KARS1: variants seen among roughly 807,000 people sequenced by gnomAD.
KARS1 encodes the protein lysine--tRNA ligase.
In KARS1, 50 loss-of-function variants were observed where a neutral mutation model predicts 63.9. The ratio of observed to expected loss-of-function variants is 0.78; its 90% CI spans 0.62 to 0.99. The LOEUF (loss-of-function observed/expected upper bound fraction) is 0.99. Ranked by LOEUF, KARS1 falls within the 50% of genes least tolerant of loss-of-function variation. KARS1 has a pLI of 0.00. For missense variants in KARS1, 816 were observed against 754.5 expected, an observed-to-expected ratio of 1.08 and a Z score of -0.95; for synonymous variants, 320 against 264.6, an observed-to-expected ratio of 1.21 and a Z score of -2.03.
chr16:75,640,437 C>CTCTG, intron 2 of KARS1, 88 bp from the exon 3 acceptor site: 1 of 1,180,042 alleles, frequency 8.5e-7, no homozygotes, highest in Non-Finnish European at 1.3e-6. Context: ...GTATTCTGCC[C>CTCTG]CCGAGTGACC....
At chr16:75,630,854 C>T (rs994270187) in intron 10 of KARS1, among the ~76,000 whole-genome samples, 10 of 152,090 alleles carry the variant, frequency 6.6e-5, no homozygotes, top group East Asian at 5.8e-4. Context: ...AGGCTGGTTT[C>T]GAACTCCTGA....
chr16:75,630,464 G>C lies in KARS1; in HGVS notation c.1383C>G (p.Phe461Leu), dbSNP rs963222842. Residue 461 changes from phenylalanine (F) to leucine (L), a missense_variant, in exon 11 of 14, where the codon TTC becomes TTG. Coordinates refer to ENST00000302445, the MANE Select transcript of KARS1 (RefSeq NM_005548.3). ...TCATTATCTGTGGGTGATCACAGAT[G>C]AATGTAGGATTGATGCAAGTCACTT... ...FLEVTCINPT[F>L]ICDHPQIMSP... The C allele has an allele frequency of 3.7e-6, 6 of 1,611,852 alleles. No homozygotes were observed. In the East Asian group the frequency reaches 6.7e-5, roughly 18 times the overall value.
intron 7 of KARS1, 38 bp from the exon 8 acceptor site, chr16:75,631,893 C>CT (rs751368554): frequency 0.048 from 47,691 of 1,000,708 alleles, no homozygotes; most frequent in Non-Finnish European, 0.054. Context: ...GACAGCTAAT[C>CT]TTTTTTTTTT....
chr16:75,630,400 G>A, intron 11 of KARS1, 23 bp downstream of exon 11: 4 of 1,429,260 alleles, frequency 2.8e-6, no homozygotes, highest in African/African-American at 2.8e-5. Flanking sequence ...CTGTTATGCA[G>A]CAATAGGTAA....
At chr16:75,643,355 G>C (rs1270405549) in intron 1 of KARS1, among the ~76,000 whole-genome samples, 1 of 150,844 alleles carries the variant, frequency 6.6e-6, no homozygotes, top group Non-Finnish European at 1.5e-5. Context: ...TTTAAAAAAT[G>C]AATTGAGGTT....
At chr16:75,628,951 A>G (rs1280258870) in intron 12 of KARS1, 1 of 560,432 alleles carries the variant, frequency 1.8e-6, no homozygotes, top group African/African-American at 1.9e-5. Context: ...CTGAAAGAAA[A>G]CCCTTCTGCT....
Position 75,647,575 on chromosome 16 carries a change from C to T in KARS1, c.62+3G>A. 2 of 1,613,218 alleles carry T rather than the reference C, an allele frequency of 1.2e-6. 1 individual carries two copies. Among genetic ancestry groups the T allele is most frequent in the South Asian group, 2.2e-5 (2 of 90,924 alleles). ...GGCTTTAAAGACTCGCAGCGACACTCACTTCTTGCTCAGTTTCGGCTCGCT... is the reference window on the plus strand; with the variant it reads ...GGCTTTAAAGACTCGCAGCGACACTTACTTCTTGCTCAGTTTCGGCTCGCT... On this transcript the variant is annotated splice_donor_region_variant and intron_variant, in intron 1 of 13. Coordinates refer to ENST00000302445, the MANE Select transcript of KARS1 (RefSeq NM_005548.3).
At chr16:75,628,542 T>C in intron 13 of KARS1, 27 bp downstream of exon 13, 12 of 1,611,944 alleles carry the variant, frequency 7.4e-6, no homozygotes, top group Non-Finnish European at 8.5e-6. Context: ...CCTCAGGAAG[T>C]GTGCTCTGTG....
chr16:75,646,065 AAAGTC>A (rs2082279859), intron 1 of KARS1, among the ~76,000 whole-genome samples: 2 of 152,218 alleles, frequency 1.3e-5, no homozygotes, highest in African/African-American at 2.4e-5. Context: ...TTGACTTAAT[AAAGTC>A]AAGTCAATTT....
At chr16:75,638,243 G>C (rs1555513349) in intron 3 of KARS1, among the ~76,000 whole-genome samples, 1 of 149,878 alleles carries the variant, frequency 6.7e-6, no homozygotes, top group Non-Finnish European at 1.5e-5. Flanking sequence ...TTTACTTTAA[G>C]TTCTGGGACA....
chr16:75,647,438 GCCA>G lies in KARS1; in HGVS notation c.62+137_62+139del, dbSNP rs2151815012. 5 of 824,008 alleles carry G rather than the reference GCCA, an allele frequency of 6.1e-6. No homozygotes were observed. The South Asian group carries it at 7.2e-5, about 12-fold the overall frequency. 51.0% of individuals were successfully genotyped at this position (824,008 alleles called of 1,614,324 possible). A position where few individuals can be genotyped will look rare whatever the true frequency, so the allele number is the denominator to read the frequency against. On this transcript the variant is annotated intron_variant, in intron 1 of 13. Coordinates refer to ENST00000302445, the MANE Select transcript of KARS1 (RefSeq NM_005548.3). ...CGGGGTACGTGGTCTGCAGGGCGCA[GCCA>G]CCACGTCTCAGCATGTGCGTACCCA...
At chr16:75,644,787 G>A (rs1253501410) in intron 1 of KARS1, among the ~76,000 whole-genome samples, 1 of 152,208 alleles carries the variant, frequency 6.6e-6, no homozygotes, top group African/African-American at 2.4e-5. Context: ...AAGCCCTGAA[G>A]TGTGGTTTCT....
At chr16:75,635,596 A>C (rs976031827) in intron 6 of KARS1, 84 bp downstream of exon 6, 1 of 1,442,366 alleles carries the variant, frequency 6.9e-7, no homozygotes, top group African/African-American at 1.4e-5. Context: ...GACACAGGAT[A>C]CGCTTTGGAA....
At chr16:75,635,870 A>C in intron 5 of KARS1, 42 bp downstream of exon 5, 1 of 1,613,996 alleles carries the variant, frequency 6.2e-7, no homozygotes, top group East Asian at 2.2e-5. Flanking sequence ...TAAAACAAAC[A>C]GAAAGCTAGG....
chr16:75,628,728 G>T lies in KARS1; in HGVS notation c.1552-16C>A. ...CAGCCTTGGCCTAGAAGAGGAAAGAGAACCAAAAGGTGACCTTCTTCTAAG... is the reference window on the plus strand; with the variant it reads ...CAGCCTTGGCCTAGAAGAGGAAAGATAACCAAAAGGTGACCTTCTTCTAAG... On this transcript the variant is annotated splice_polypyrimidine_tract_variant and intron_variant, in intron 12 of 13. Transcript: ENST00000302445. The T allele has an allele frequency of 1.9e-6, 3 of 1,614,100 alleles. No homozygotes were observed. The highest frequency in any genetic ancestry group is 1.7e-6 in the Non-Finnish European group (2 of 1,179,942).
At position 75,634,368 on chromosome 16, in the gene KARS1, A is replaced by G. The variant is rs2082141674; in HGVS notation, c.796-76T>C. On this transcript the variant is annotated intron_variant, in intron 6 of 13. Transcript: ENST00000302445. ...GGACAGACCATGCTTTGCATGTAAT[A>G]TAGTCTAAGCCTGTTATACCCCAAA... 3 of 1,496,086 alleles carry G rather than the reference A, an allele frequency of 2.0e-6. No individual in the cohort carries two copies. The Admixed American group carries it at 5.2e-5, about 26-fold the overall frequency. The allele number at this position is 1,496,086 out of a possible 1,614,324, so 92.7% of individuals were successfully genotyped here. A position where few individuals can be genotyped will look rare whatever the true frequency, so the allele number is the denominator to read the frequency against.
rs778748895 is a variant in KARS1 at position 75,629,536 on chromosome 16, C to A, written c.1430G>T (p.Arg477Leu). The A allele has an allele frequency of 1.2e-6, 2 of 1,613,938 alleles. No homozygotes were observed. The highest frequency in any genetic ancestry group is 1.7e-6 in the Non-Finnish European group (2 of 1,179,868). The part of the protein sequence containing the change: ...QIMSPLAKWH[R>L]SKEGLTERFE... ...GCGCTCAGTCAGACCCTCTTTAGAG[C>A]GGTGCCTAGGGACAGGAGACCAAAG... Residue 477 changes from arginine to leucine, a missense_variant, in exon 12 of 14, where the codon CGC becomes CTC. Arg to Leu is a moderately radical substitution (Grantham distance 102, BLOSUM62 -2). Transcript: ENST00000302445.
intron 7 of KARS1, among the ~76,000 whole-genome samples, chr16:75,633,476 G>A (rs1253771059): frequency 6.6e-6 from 1 of 151,524 alleles, no homozygotes; most frequent in African/African-American, 2.4e-5. Context: ...ATATTTACCT[G>A]GGAATTTGAC....
Position 75,636,562 on chromosome 16 carries a change from G to A in KARS1, c.389-15C>T, listed in dbSNP as rs1277089863. ...ATGGATCCTACCTAGAAAAAGAAGA[G>A]CAAAAATACTGACTGACAGAACCAG... is the stretch of plus-strand genomic sequence containing the variant. On this transcript the variant is annotated splice_polypyrimidine_tract_variant and intron_variant, in intron 3 of 13. Coordinates refer to ENST00000302445, the MANE Select transcript of KARS1 (RefSeq NM_005548.3). 6.8e-7 allele frequency: 1 copy of A among 1,476,538 alleles called. No homozygotes were observed. The highest frequency in any genetic ancestry group is 1.4e-5 in the African/African-American group (1 of 72,150). The allele number at this position is 1,476,538 out of a possible 1,614,324, so 91.5% of individuals were successfully genotyped here.
Sources: gnomAD v4.1 joint callset for allele counts (sites outside exome capture counted in the v4.1 genomes callset) on GRCh38, gnomAD v4.1.1 for gene constraint, MANE v1.5 for transcripts, NCBI Gene and HGNC (gene_info 2026-07-23, HGNC 2026-07-21) for gene names.